The following MTA3 variants were observed in gnomAD, a reference collection of about 807,000 sequenced individuals.
MTA3 encodes the protein metastasis-associated protein MTA3.
Under a neutral mutation model 83.5 loss-of-function variants are expected in MTA3, and 34 were observed. The observed-to-expected ratio is 0.41, with a 90% CI of 0.31 to 0.54. The LOEUF (loss-of-function observed/expected upper bound fraction) is 0.54, where lower values mean the gene tolerates loss of function less well. MTA3 is among the 20% of genes least tolerant of loss of function. The probability of loss-of-function intolerance (pLI) is 0.33; values close to 1 mark genes in which losing one functional copy is unlikely to be tolerated. For synonymous variants in MTA3, 303 were observed against 252.7 expected (o/e 1.20, Z -1.89); for missense variants, 761 against 726.4 (o/e 1.05, Z -0.55).
chr2:42,710,885 C>G (rs1666548148), intron 14 of MTA3, among the ~76,000 whole-genome samples: 1 of 151,934 alleles, frequency 6.6e-6, no homozygotes, highest in South Asian at 2.1e-4. Context: ...TAGAGACTAG[C>G]CTGGCCAACA....
rs952834706 is a variant in MTA3, at chr2:42,579,200, A to G, written c.190A>G (p.Lys64Glu). 3 of 1,585,596 alleles carry G rather than the reference A, an allele frequency of 1.9e-6. No individual in the cohort carries two copies. Among genetic ancestry groups the G allele is most frequent in the Non-Finnish European group, 2.6e-6 (3 of 1,167,360 alleles). Reference sequence around the variant, plus strand: ...TATAATGCTCGCAGATAAGCATGCTAGTAAGTTGTTTTTCTCTGATTAAAA... The same window carrying G: ...TATAATGCTCGCAGATAAGCATGCTGGTAAGTTGTTTTTCTCTGATTAAAA... ...TLIMLADKHA[K>E]EIEEESETTV... Residue 64 changes from lysine to glutamate, a missense_variant and splice_region_variant, in exon 3 of 17, where the codon AAA (lysine) becomes GAA (glutamate). Physicochemically the swap from Lys to Glu is moderately conservative, Grantham distance 56 (BLOSUM62 1). Coordinates refer to ENST00000405094, the MANE Select transcript of MTA3 (RefSeq NM_001330442.2).
intron 2 of MTA3, among the ~76,000 whole-genome samples, chr2:42,496,063 C>T (rs1291256873): frequency 6.6e-6 from 1 of 152,154 alleles, no homozygotes; most frequent in African/African-American, 2.4e-5. Flanking sequence ...AACTATAGTG[C>T]CGATTGTTTG....
chr2:42,752,230 C>T (rs1218260574), intron 16 of MTA3: 4 of 471,438 alleles, frequency 8.5e-6, no homozygotes, highest in Middle Eastern at 6.5e-4. Context: ...CTTCCCTATC[C>T]TAGAAAAGCT....
intron 3 of MTA3, among the ~76,000 whole-genome samples, chr2:42,606,480 T>C (rs1022612016): frequency 6.9e-6 from 1 of 144,578 alleles, no homozygotes; most frequent in Admixed American, 6.9e-5. Flanking sequence ...TCCCAGATGA[T>C]GTGCGGCCGG....
intron 14 of MTA3, among the ~76,000 whole-genome samples, chr2:42,717,127 GTTTTTTTT>G (rs66521425): frequency 1.5e-5 from 1 of 64,928 alleles, no homozygotes; most frequent in Admixed American, 1.8e-4. Context: ...TCAGAAAAGA[GTTTTTTTT>G]TTTTTTTTTT....
chr2:42,564,663 G>C (rs959794363), upstream of MTA3, among the ~76,000 whole-genome samples: 1 of 152,164 alleles, frequency 6.6e-6, no homozygotes, highest in Non-Finnish European at 1.5e-5. Flanking sequence ...ACAAGATAAA[G>C]TCCCTTTTCC....
In MTA3 at chr2:42,542,468, C is replaced by T. The variant is rs567771127; in HGVS notation, c.-140-27969C>T. On this transcript the variant is annotated intron_variant, in intron 2 of 17. Coordinates refer to the MTA3 transcript ENST00000405592. ...ATATATATTCAATCAAGTTGACACT[C>T]AATATTAACCGTCACACGTACACCC... Among the ~76,000 whole-genome samples, 115 of 152,312 alleles carry T rather than the reference C, an allele frequency of 7.6e-4. 1 individual carries two copies. Among genetic ancestry groups the T allele is most frequent in the African/African-American group, 2.7e-3 (112 of 41,572 alleles).
chr2:42,598,785 A>G (rs1160155709), intron 3 of MTA3, among the ~76,000 whole-genome samples: 1 of 152,182 alleles, frequency 6.6e-6, no homozygotes, highest in African/African-American at 2.4e-5. Context: ...CGATTAAATG[A>G]ATAAAAGCCC....
At chr2:42,604,856 C>T (rs1232698426) in intron 3 of MTA3, among the ~76,000 whole-genome samples, 1 of 148,960 alleles carries the variant, frequency 6.7e-6, no homozygotes, top group Non-Finnish European at 1.5e-5. Context: ...TCCATTTAAC[C>T]CTGAGTGGAC....
intron 3 of MTA3, among the ~76,000 whole-genome samples, chr2:42,594,665 C>CATAT (rs1681474408): frequency 4.1e-5 from 5 of 122,094 alleles, no homozygotes; most frequent in Non-Finnish European, 8.6e-5. Context: ...TATATATATA[C>CATAT]ACACATATAT....
At chr2:42,516,087 T>C (rs1675133969) in intron 2 of MTA3, among the ~76,000 whole-genome samples, 1 of 152,034 alleles carries the variant, frequency 6.6e-6, no homozygotes, top group Non-Finnish European at 1.5e-5. Context: ...GCTGATTTTT[T>C]TGTATTTTTA....
intron 4 of MTA3, among the ~76,000 whole-genome samples, chr2:42,609,873 C>T (rs967101426): frequency 6.6e-6 from 1 of 152,018 alleles, no homozygotes; most frequent in East Asian, 1.9e-4. Flanking sequence ...CTGAGGCGGG[C>T]GTATCATTTG....
intron 8 of MTA3, among the ~76,000 whole-genome samples, chr2:42,660,279 G>A (rs1047267238): frequency 6.6e-6 from 1 of 151,894 alleles, no homozygotes; most frequent in Admixed American, 6.6e-5. Flanking sequence ...GGTAGAGACG[G>A]GGTTTCACCA....
At chr2:42,626,631 A>G (rs1241876514) in intron 4 of MTA3, among the ~76,000 whole-genome samples, 1 of 152,018 alleles carries the variant, frequency 6.6e-6, no homozygotes. Flanking sequence ...CTTTGTCTTC[A>G]GGCAGTTGTG....
Position 42,509,186 on chromosome 2 carries a change from G to T in MTA3, c.-141+13932G>T, listed in dbSNP as rs181635093. ...GCCTCCCAAGTAGCTGGGACTACAG[G>T]TGTCCACCACCATGCCCAGCTAATT... On this transcript the variant is annotated intron_variant, in intron 2 of 17. Coordinates refer to the MTA3 transcript ENST00000405592. Among the ~76,000 whole-genome samples, 481 of 152,084 alleles carry T rather than the reference G, an allele frequency of 3.2e-3. 5 individuals are homozygous for T. The highest frequency in any genetic ancestry group is 0.011 in the African/African-American group (450 of 41,486).
chr2:42,555,903 C>T (rs909449400), intron 2 of MTA3, among the ~76,000 whole-genome samples: 8 of 151,424 alleles, frequency 5.3e-5, no homozygotes, highest in African/African-American at 1.2e-4. Flanking sequence ...GGAACCCTGC[C>T]TCTACTAAAA....
chr2:42,620,753 C>T (rs1046800439), intron 4 of MTA3, among the ~76,000 whole-genome samples: 18 of 152,106 alleles, frequency 1.2e-4, no homozygotes, highest in Non-Finnish European at 2.2e-4. Context: ...CTTGGCCTCT[C>T]GAAGTGTTGG....
chr2:42,653,005 C>T (rs1688856202), intron 6 of MTA3, among the ~76,000 whole-genome samples: 1 of 152,158 alleles, frequency 6.6e-6, no homozygotes, highest in Non-Finnish European at 1.5e-5. Flanking sequence ...CTTAGTTCTT[C>T]AGAGTATTTG....
At chr2:42,558,742 A>G (rs542432081) in intron 2 of MTA3, among the ~76,000 whole-genome samples, 39 of 149,838 alleles carry the variant, frequency 2.6e-4, no homozygotes, top group East Asian at 1.4e-3. Flanking sequence ...TTTAGTAGAG[A>G]CGGGGTTTCA....
Sources: gnomAD v4.1 joint callset for allele counts (sites outside exome capture counted in the v4.1 genomes callset) on GRCh38, gnomAD v4.1.1 for gene constraint, MANE v1.5 for transcripts, NCBI Gene and HGNC (gene_info 2026-07-23, HGNC 2026-07-21) for gene names.